SLC4A4: variants seen among roughly 807,000 people sequenced by gnomAD.
SLC4A4 encodes solute carrier family 4 member 4, also known as electrogenic sodium bicarbonate cotransporter 1.
Under a neutral mutation model 111.5 loss-of-function variants are expected in SLC4A4, and 27 were observed. The observed-to-expected ratio is 0.24, with a 90% CI of 0.18 to 0.33. SLC4A4 has a LOEUF of 0.33. SLC4A4 is among the 10% of genes least tolerant of loss of function. The pLI is 1.00. For missense variants in SLC4A4, 909 were observed against 1,315.5 expected (o/e 0.69, Z 4.78); for synonymous variants, 443 against 463.4 (o/e 0.96, Z 0.57).
At position 71,242,784 on chromosome 4, in the gene SLC4A4, A is replaced by G. The variant is rs536387162; in HGVS notation, c.73+6135A>G. Reference sequence around the variant, plus strand: ...TTTTATATAATTTTCTTTGGTTATTATAATCTTTTCTACAAATCGTAACTG... The same window carrying G: ...TTTTATATAATTTTCTTTGGTTATTGTAATCTTTTCTACAAATCGTAACTG... On this transcript the variant is annotated intron_variant, in intron 2 of 25. Transcript: ENST00000264485. Among the ~76,000 whole-genome samples the G allele has an allele frequency of 3.5e-4, 53 of 151,616 alleles. No individual in the cohort carries two copies. In the South Asian group the frequency reaches 0.011, roughly 31 times the overall value.
chr4:71,371,623 T>A (rs1731893326), intron 6 of SLC4A4, among the ~76,000 whole-genome samples: 1 of 152,116 alleles, frequency 6.6e-6, no homozygotes, highest in Admixed American at 6.5e-5. Flanking sequence ...TGTAAAATAG[T>A]TCTTATAAAC....
intron 3 of SLC4A4, among the ~76,000 whole-genome samples, chr4:71,270,144 A>G (rs1055502509): frequency 1.3e-5 from 2 of 152,130 alleles, no homozygotes; most frequent in African/African-American, 2.4e-5. Context: ...CAAGAGTGCA[A>G]TGGCGCAATC....
chr4:71,408,900 AG>A (rs1264446045), intron 7 of SLC4A4, among the ~76,000 whole-genome samples: 2 of 152,192 alleles, frequency 1.3e-5, no homozygotes, highest in Non-Finnish European at 2.9e-5. Flanking sequence ...GGAGTGACCC[AG>A]GGGCAGGTAA....
intron 6 of SLC4A4, among the ~76,000 whole-genome samples, chr4:71,395,444 T>G (rs1719733015): frequency 6.6e-6 from 1 of 152,218 alleles, no homozygotes. Context: ...CTTCTCTTCC[T>G]CATCTGGTTC....
chr4:71,247,157 G>A lies in SLC4A4; in HGVS notation c.74-8063G>A, dbSNP rs1322105978. Among the ~76,000 whole-genome samples the A allele has an allele frequency of 2.0e-5, 3 of 150,002 alleles. No homozygotes were observed. In the East Asian group the frequency reaches 5.8e-4, roughly 29 times the overall value. The stretch of plus-strand genomic sequence containing the variant: ...TGTGTATATGAAGGAAGGGAATAAT[G>A]TGAACTTTAATATTTATATTTTATA... On this transcript the variant is annotated intron_variant, in intron 2 of 25. Transcript: ENST00000264485.
intron 6 of SLC4A4, among the ~76,000 whole-genome samples, chr4:71,375,581 C>T (rs1445467493): frequency 6.6e-6 from 1 of 152,138 alleles, no homozygotes; most frequent in Admixed American, 6.5e-5. Context: ...TCTGAGACTC[C>T]TCACATGACA....
chr4:71,284,259 T>A (rs1457562515), intron 3 of SLC4A4, among the ~76,000 whole-genome samples: 1 of 152,214 alleles, frequency 6.6e-6, no homozygotes, highest in Non-Finnish European at 1.5e-5. Context: ...TGAATTTGAG[T>A]ATAAAAGGAG....
chr4:71,137,799 G>A (rs572979028), intron 2 of SLC4A4, among the ~76,000 whole-genome samples: 4 of 152,240 alleles, frequency 2.6e-5, no homozygotes, highest in South Asian at 2.1e-4. Context: ...CAAGGAAAAC[G>A]TTTTTTTCGT....
At chr4:71,205,988 TG>T (rs1717739607) in intron 1 of SLC4A4, among the ~76,000 whole-genome samples, 2 of 152,342 alleles carry the variant, frequency 1.3e-5, no homozygotes, top group African/African-American at 4.8e-5. Context: ...CATTCAAACA[TG>T]AGTGCTTTGA....
chr4:71,302,090 G>A (rs1725312357), intron 3 of SLC4A4, among the ~76,000 whole-genome samples: 1 of 152,162 alleles, frequency 6.6e-6, no homozygotes, highest in Non-Finnish European at 1.5e-5. Flanking sequence ...GTAGAAATGG[G>A]GAGGGGTTAC....
At chr4:71,202,459 T>A (rs575706813) in intron 1 of SLC4A4, among the ~76,000 whole-genome samples, 54 of 152,314 alleles carry the variant, frequency 3.5e-4, no homozygotes, top group African/African-American at 1.3e-3. Context: ...TAAGGGACTA[T>A]CTAATTGCAC....
chr4:71,222,939 A>G (rs529373367), intron 1 of SLC4A4, among the ~76,000 whole-genome samples: 5 of 152,272 alleles, frequency 3.3e-5, no homozygotes, highest in African/African-American at 1.2e-4. Context: ...TTTGGTGGAC[A>G]ACCATGTGGC....
At chr4:71,100,668 C>G (rs1214449631) in intron 2 of SLC4A4, among the ~76,000 whole-genome samples, 2 of 152,144 alleles carry the variant, frequency 1.3e-5, no homozygotes, top group East Asian at 3.9e-4. Flanking sequence ...TCCCTGTTTG[C>G]AGATGGCATA....
chr4:71,097,097 T>G (rs1422656572), intron 2 of SLC4A4, among the ~76,000 whole-genome samples: 1 of 152,198 alleles, frequency 6.6e-6, no homozygotes, highest in Non-Finnish European at 1.5e-5. Flanking sequence ...ATGGGGGTTT[T>G]TTGTACAGAT....
At chr4:71,483,340 A>G (rs1729064719) in intron 14 of SLC4A4, among the ~76,000 whole-genome samples, 1 of 151,700 alleles carries the variant, frequency 6.6e-6, no homozygotes, top group African/African-American at 2.4e-5. Context: ...CCACCCTCTA[A>G]TAGGCCCCAG....
At chr4:71,317,252 C>T (rs535462919) in intron 3 of SLC4A4, among the ~76,000 whole-genome samples, 25 of 151,968 alleles carry the variant, frequency 1.6e-4, no homozygotes, top group Non-Finnish European at 2.6e-4. Context: ...AAATCATTTT[C>T]CAAAGCATTA....
chr4:71,148,568 G>A (rs556799917), intron 2 of SLC4A4, among the ~76,000 whole-genome samples: 22 of 152,078 alleles, frequency 1.4e-4, no homozygotes, highest in African/African-American at 4.3e-4. Flanking sequence ...TCTCTGATAA[G>A]CTCCAGTGTG....
Position 71,528,932 on chromosome 4 carries a change from A to C in SLC4A4, c.2167-3130A>C, listed in dbSNP as rs553153338. ...ATTCATCTCTACATAGTAGAATTGA[A>C]AAACATTTTCTTTTTTCATTATTTT... On this transcript the variant is annotated intron_variant, in intron 16 of 25. Transcript: ENST00000264485. Among the ~76,000 whole-genome samples the C allele has an allele frequency of 3.3e-5, 5 of 152,056 alleles. No homozygotes were observed. The South Asian group carries it at 1.0e-3, about 32-fold the overall frequency.
rs555421884 is a variant in SLC4A4 at position 71,396,847 on chromosome 4, C to A, written c.731-730C>A. The stretch of plus-strand genomic sequence containing the variant: ...GCTATATGGTCAGGGAGATTGGTTC[C>A]CATGTAGTATTCCGATGACATCCAT... On this transcript the variant is annotated intron_variant, in intron 6 of 25. Transcript: ENST00000264485. Among the ~76,000 whole-genome samples the A allele has an allele frequency of 2.0e-5, 3 of 152,186 alleles. No individual in the cohort carries two copies. The South Asian group carries it at 6.2e-4, about 32-fold the overall frequency.
Sources: allele counts gnomAD v4.1 joint callset (sites outside exome capture counted in the v4.1 genomes callset), GRCh38; gene constraint gnomAD v4.1.1; transcripts MANE v1.5; gene names NCBI Gene and HGNC (gene_info 2026-07-23, HGNC 2026-07-21).